ABCC1: variants seen among roughly 807,000 people sequenced by gnomAD.
ABCC1 encodes ATP binding cassette subfamily C member 1 (ABCC1 blood group).
Under a neutral mutation model 172.9 loss-of-function variants are expected in ABCC1, and 83 were observed. The observed-to-expected ratio is 0.48, with a 90% CI of 0.40 to 0.58. The LOEUF (loss-of-function observed/expected upper bound fraction) is 0.58, where lower values mean the gene tolerates loss of function less well. ABCC1 is among the 20% of genes least tolerant of loss of function. The pLI, the probability that ABCC1 is intolerant of heterozygous loss-of-function variation, is 0.00. For synonymous variants in ABCC1, 937 were observed against 825.2 expected, an observed-to-expected ratio of 1.14 and a Z score of -2.32; for missense variants, 1,817 against 2,002.7, an observed-to-expected ratio of 0.91 and a Z score of 1.77.
intron 5 of ABCC1, among the ~76,000 whole-genome samples, chr16:16,025,177 T>G (rs1222539533): frequency 6.6e-6 from 1 of 152,168 alleles, no homozygotes; most frequent in Non-Finnish European, 1.5e-5. Context: ...AATCTCTTAC[T>G]GCTGGACATT....
At chr16:15,984,134 A>G (rs547995033) in intron 1 of ABCC1, among the ~76,000 whole-genome samples, 3 of 152,288 alleles carry the variant, frequency 2.0e-5, no homozygotes, top group South Asian at 4.1e-4. Context: ...CCAAGTGGCA[A>G]TCAGTAGGGG....
At chr16:16,103,985 C>T (rs949067588) in intron 20 of ABCC1, among the ~76,000 whole-genome samples, 1 of 152,006 alleles carries the variant, frequency 6.6e-6, no homozygotes, top group South Asian at 2.1e-4. Context: ...TCTCGCTGGC[C>T]TCAGGAGTGA....
chr16:15,949,935 C>A, intron 1 of ABCC1, 136 bp downstream of exon 1: 3 of 698,666 alleles, frequency 4.3e-6, no homozygotes, highest in Non-Finnish European at 5.6e-6. Context: ...ACCCTCACGT[C>A]GCCCGCGGCC....
intron 1 of ABCC1, among the ~76,000 whole-genome samples, chr16:15,967,684 C>G (rs2046275809): frequency 6.7e-6 from 1 of 150,092 alleles, no homozygotes; most frequent in South Asian, 2.1e-4. Flanking sequence ...TTGCTTGGTC[C>G]TGGGAGGTTG....
chr16:16,137,255 G>A (rs1567446557), intron 29 of ABCC1, among the ~76,000 whole-genome samples: 1 of 152,142 alleles, frequency 6.6e-6, no homozygotes. Context: ...ATGCATGTCT[G>A]GGAGTCAGCT....
At chr16:15,994,797 T>C (rs910578759) in intron 1 of ABCC1, among the ~76,000 whole-genome samples, 5 of 151,454 alleles carry the variant, frequency 3.3e-5, no homozygotes, top group African/African-American at 1.2e-4. Flanking sequence ...GAAGTCTTGC[T>C]CTGTTGCCCA....
At chr16:16,124,207 C>G (rs1021084772) in intron 24 of ABCC1, among the ~76,000 whole-genome samples, 5 of 152,062 alleles carry the variant, frequency 3.3e-5, no homozygotes, top group African/African-American at 1.2e-4. Flanking sequence ...TGTTTTTAGC[C>G]AAAAGGCCGA....
At chr16:15,966,055 G>T (rs747346473) in intron 1 of ABCC1, among the ~76,000 whole-genome samples, 1 of 151,994 alleles carries the variant, frequency 6.6e-6, no homozygotes, top group Non-Finnish European at 1.5e-5. Flanking sequence ...CCAGCTCACC[G>T]TTCTAGCAGG....
intron 26 of ABCC1, among the ~76,000 whole-genome samples, chr16:16,128,429 G>A (rs1385261201): frequency 1.3e-5 from 2 of 152,106 alleles, no homozygotes; most frequent in Non-Finnish European, 1.5e-5. Flanking sequence ...GATCACAGGT[G>A]TGAGCCACCA....
In ABCC1 at chr16:16,055,423, G is replaced by A. The variant is rs55905168; in HGVS notation, c.1474-669G>A. On this transcript the variant is annotated intron_variant, in intron 11 of 30. Coordinates refer to ENST00000399410, the MANE Select transcript of ABCC1 (RefSeq NM_004996.4). ...AAATTAGCCAGGCGTGGTGGCAGGC[G>A]TTTATAGTCCCAGCTACTCAGGAGG... Among the ~76,000 whole-genome samples, 390 of 151,900 alleles carry A rather than the reference G, an allele frequency of 2.6e-3. 1 individual carries two copies. The highest frequency in any genetic ancestry group is 4.7e-3 in the Admixed American group (72 of 15,230).
chr16:15,996,398 TATAGGC>T (rs1313439481), intron 1 of ABCC1, among the ~76,000 whole-genome samples: 2 of 152,186 alleles, frequency 1.3e-5, no homozygotes, highest in Non-Finnish European at 2.9e-5. Flanking sequence ...TGCTGGGAAA[TATAGGC>T]ATGAGCCACT....
At chr16:16,069,394 T>C (rs1050034739) in intron 13 of ABCC1, among the ~76,000 whole-genome samples, 6 of 151,540 alleles carry the variant, frequency 4.0e-5, no homozygotes, top group African/African-American at 1.5e-4. Flanking sequence ...TTTGTTTTTA[T>C]TTTTTAGAAA....
chr16:15,972,241 TCA>T (rs2046385945), intron 1 of ABCC1, among the ~76,000 whole-genome samples: 1 of 152,182 alleles, frequency 6.6e-6, no homozygotes, highest in Admixed American at 6.5e-5. Context: ...GTTTTGCCCC[TCA>T]GTCATTTGAG....
intron 3 of ABCC1, 72 bp from the exon 4 acceptor site, chr16:16,014,419 C>G: frequency 6.4e-7 from 1 of 1,553,066 alleles, no homozygotes; most frequent in South Asian, 1.2e-5. Context: ...TGCGCTCCAG[C>G]CTGGGTGACA....
At position 16,096,678 on chromosome 16, in the gene ABCC1, G is replaced by A. The variant is rs887935831; in HGVS notation, c.2645-5949G>A. ...TGTGAGTTGAATTCTTCCCTCCGGG[G>A]AGGCTGGCCTGCTGGACCTTGCCCA... On this transcript the variant is annotated intron_variant, in intron 19 of 30. Coordinates refer to ENST00000399410, the MANE Select transcript of ABCC1 (RefSeq NM_004996.4). 3.9e-5 allele frequency among the ~76,000 whole-genome samples: 6 copies of A among 152,318 alleles called. No homozygotes were observed. The South Asian group carries it at 1.0e-3, about 26-fold the overall frequency.
At chr16:15,970,510 C>T (rs916784958) in intron 1 of ABCC1, among the ~76,000 whole-genome samples, 1 of 152,186 alleles carries the variant, frequency 6.6e-6, no homozygotes, top group African/African-American at 2.4e-5. Context: ...GCTGTATAGG[C>T]AAAAGCAGAA....
chr16:15,965,628 TATACC>T (rs2046226457), intron 1 of ABCC1, among the ~76,000 whole-genome samples: 1 of 151,810 alleles, frequency 6.6e-6, no homozygotes, highest in Admixed American at 6.6e-5. Flanking sequence ...GACAGCATCT[TATACC>T]ATCACCCAGG....
Position 16,090,464 on chromosome 16 carries a change from C to T in ABCC1, c.2520C>T (p.Val840=). 1 of 1,613,920 alleles carries T rather than the reference C, an allele frequency of 6.2e-7. No homozygotes were observed. Among genetic ancestry groups the T allele is most frequent in the Non-Finnish European group, 8.5e-7 (1 of 1,179,966 alleles). The change falls in exon 19 of 31, where the codon GTC becomes GTT. Residue 840 remains valine (V), a synonymous_variant. Coordinates refer to ENST00000399410, the MANE Select transcript of ABCC1 (RefSeq NM_004996.4). The part of the protein sequence containing the change: ...SYLPQVDVII[V]MSGGKISEMG... ...TGCCGCAGGTGGACGTCATCATCGT[C>T]ATGAGTGGCGGCAAGATCTCTGAGA...
chr16:15,978,180 G>T (rs1216842380), intron 1 of ABCC1, among the ~76,000 whole-genome samples: 1 of 152,018 alleles, frequency 6.6e-6, no homozygotes, highest in Admixed American at 6.6e-5. Flanking sequence ...GACCAGCCTG[G>T]GGAACATGGC....
Sources: gnomAD v4.1 joint callset for allele counts (sites outside exome capture counted in the v4.1 genomes callset) on GRCh38, gnomAD v4.1.1 for gene constraint, MANE v1.5 for transcripts, NCBI Gene and HGNC (gene_info 2026-07-23, HGNC 2026-07-21) for gene names.